Variants in NFIA observed in about 807,000 individuals in gnomAD.
NFIA encodes the protein nuclear factor 1 A-type.
Under a neutral mutation model 62.8 loss-of-function variants are expected in NFIA, and 8 were observed. That is an observed-to-expected ratio of 0.13 (90% CI 0.07 to 0.23). The LOEUF (loss-of-function observed/expected upper bound fraction) is 0.23. NFIA is among the 10% of genes least tolerant of loss of function. The pLI, the probability that NFIA is intolerant of heterozygous loss-of-function variation, is 1.00. For synonymous variants in NFIA, 235 were observed against 238.1 expected (o/e 0.99, Z 0.12); for missense variants, 410 against 642.1 (o/e 0.64, Z 3.91).
rs899954260 is a variant in NFIA, at chr1:61,270,333, A to G, written c.560-7187A>G. The stretch of plus-strand genomic sequence containing the variant: ...CTGAGATCCAGCACAGTTAAATTAT[A>G]TAGCTGAGGTTTCTAGGACACCATC... On this transcript the variant is annotated intron_variant, in intron 2 of 10. Transcript: ENST00000403491. 2.0e-5 allele frequency among the ~76,000 whole-genome samples: 3 copies of G among 149,146 alleles called. No homozygotes were observed. The South Asian group carries it at 6.4e-4, about 32-fold the overall frequency.
At chr1:61,436,723 T>A (rs114937089) in intron 10 of NFIA, among the ~76,000 whole-genome samples, 2,025 of 152,318 alleles carry the variant, frequency 0.013, 19 homozygotes, top group Non-Finnish European at 0.021. Context: ...CCCTGTCTTT[T>A]TGGGATATAG....
chr1:61,260,706 G>A (rs775189738), intron 2 of NFIA, among the ~76,000 whole-genome samples: 1 of 152,092 alleles, frequency 6.6e-6, no homozygotes, highest in Non-Finnish European at 1.5e-5. Flanking sequence ...TCAACCTCTG[G>A]AGTAACTGGG....
chr1:61,082,725 C>G lies in NFIA; in HGVS notation c.-67C>G. On this transcript the variant is annotated 5_prime_UTR_variant, in exon 1 of 11. Coordinates refer to ENST00000403491, the MANE Select transcript of NFIA (RefSeq NM_001134673.4). ...CTCTCTCCCTCTTTCTCCTCTCTCA[C>G]CCACACTCACGCACACCTCCAAACC... The G allele has an allele frequency of 6.5e-7, 1 of 1,550,112 alleles. No homozygotes were observed. The highest frequency in any genetic ancestry group is 8.7e-7 in the Non-Finnish European group (1 of 1,146,122).
intron 3 of NFIA, among the ~76,000 whole-genome samples, chr1:61,278,015 C>A (rs983651214): frequency 6.6e-6 from 1 of 150,560 alleles, no homozygotes; most frequent in African/African-American, 2.5e-5. Flanking sequence ...CAGTTTTAAG[C>A]CTTTTGGGAG....
intron 2 of NFIA, among the ~76,000 whole-genome samples, chr1:61,094,665 C>T (rs1228499126): frequency 1.3e-5 from 2 of 152,148 alleles, no homozygotes; most frequent in African/African-American, 2.4e-5. Flanking sequence ...CAGTAGGCAA[C>T]GGTAAGATAC....
intron 5 of NFIA, among the ~76,000 whole-genome samples, chr1:61,358,831 C>T (rs138272320): frequency 1.7e-5 from 1 of 60,254 alleles, no homozygotes; most frequent in African/African-American, 5.0e-5. Context: ...TGTGGCCTTA[C>T]TCCCAACACT....
intron 2 of NFIA, among the ~76,000 whole-genome samples, chr1:61,167,498 T>A (rs1371566479): frequency 1.3e-5 from 2 of 152,198 alleles, no homozygotes; most frequent in Admixed American, 1.3e-4. Context: ...AGCCACAGGG[T>A]GACTTTTATG....
chr1:61,158,395 T>TTTAC (rs1648957396), intron 2 of NFIA, among the ~76,000 whole-genome samples: 1 of 152,128 alleles, frequency 6.6e-6, no homozygotes, highest in Non-Finnish European at 1.5e-5. Flanking sequence ...ACTACCCTGA[T>TTTAC]TTACTAATCA....
At chr1:61,277,443 T>C (rs1262313623) in intron 2 of NFIA, 77 bp from the exon 3 acceptor site, 5 of 1,385,136 alleles carry the variant, frequency 3.6e-6, no homozygotes, top group Non-Finnish European at 3.1e-6. Flanking sequence ...GTTGAACCTT[T>C]TGAGAAAGTC....
At chr1:61,089,154 C>T (rs543214422) in intron 2 of NFIA, among the ~76,000 whole-genome samples, 1 of 152,200 alleles carries the variant, frequency 6.6e-6, no homozygotes, top group South Asian at 2.1e-4. Context: ...TATCAAATTG[C>T]TGATCATTTA....
At chr1:61,081,782 T>G (rs1646098654), upstream of NFIA, 1 of 1,293,888 alleles carries the variant, frequency 7.7e-7, no homozygotes, top group Non-Finnish European at 1.0e-6. Context: ...GGACCGAAGC[T>G]GCACAAAGTT....
upstream of NFIA, chr1:61,081,832 A>G: frequency 4.7e-6 from 7 of 1,505,084 alleles, no homozygotes; most frequent in East Asian, 5.1e-5. Context: ...CGACGAATCT[A>G]TTCCCACAGA....
intron 10 of NFIA, among the ~76,000 whole-genome samples, chr1:61,450,609 G>A (rs550156048): frequency 9.2e-5 from 14 of 152,262 alleles, no homozygotes; most frequent in East Asian, 3.9e-4. Context: ...GCACATTTCC[G>A]TTTTATGTGT....
chr1:61,425,589 TAAA>T (rs1666829950), intron 9 of NFIA, among the ~76,000 whole-genome samples: 1 of 152,188 alleles, frequency 6.6e-6, no homozygotes, highest in South Asian at 2.1e-4. Flanking sequence ...GAGGTGATGA[TAAA>T]GAAGTGAATT....
chr1:61,204,046 C>T (rs995016601), intron 2 of NFIA, among the ~76,000 whole-genome samples: 33 of 152,164 alleles, frequency 2.2e-4, no homozygotes, highest in African/African-American at 7.0e-4. Flanking sequence ...CTGTGACTTC[C>T]GTTTCTGTAA....
At chr1:61,373,621 T>C (rs186456510) in intron 6 of NFIA, among the ~76,000 whole-genome samples, 1 of 152,228 alleles carries the variant, frequency 6.6e-6, no homozygotes, top group East Asian at 1.9e-4. Flanking sequence ...TTTAAGTAAA[T>C]ACTAAAGTTC....
At chr1:61,174,746 A>G (rs926629703) in intron 2 of NFIA, among the ~76,000 whole-genome samples, 3 of 152,210 alleles carry the variant, frequency 2.0e-5, no homozygotes, top group Non-Finnish European at 4.4e-5. Flanking sequence ...GCCTGATACT[A>G]TGATGGATAC....
At chr1:61,439,192 G>A (rs1667468573) in intron 10 of NFIA, among the ~76,000 whole-genome samples, 4 of 152,042 alleles carry the variant, frequency 2.6e-5, no homozygotes. Context: ...GTAGATAATG[G>A]TGTATCAGAT....
At chr1:61,255,898 G>C (rs1287806109) in intron 2 of NFIA, among the ~76,000 whole-genome samples, 1 of 152,174 alleles carries the variant, frequency 6.6e-6, no homozygotes, top group Non-Finnish European at 1.5e-5. Context: ...TGGGGCTCAA[G>C]CTTCCCATGT....
Sources: gnomAD v4.1 joint callset for allele counts (sites outside exome capture counted in the v4.1 genomes callset) on GRCh38, gnomAD v4.1.1 for gene constraint, MANE v1.5 for transcripts, NCBI Gene and HGNC (gene_info 2026-07-23, HGNC 2026-07-21) for gene names.